The following BLTP1 variants were observed in gnomAD, a reference collection of about 807,000 sequenced individuals.
The protein encoded by BLTP1 is bridge-like lipid transfer protein family member 1, also known as fragile site-associated protein.
the BLTP1 span, chr4:122,333,509 T>C: frequency 3.0e-6 from 3 of 1,015,706 alleles, no homozygotes; most frequent in Non-Finnish European, 4.1e-6. Flanking sequence ...TTGTTTGAGT[T>C]CATTGTAGAT....
chr4:122,344,657 G>A, the BLTP1 span: 1 of 1,183,384 alleles, frequency 8.5e-7, no homozygotes, highest in Non-Finnish European at 1.2e-6. Context: ...GTCACTTAAT[G>A]TTAAGCTTTC....
the BLTP1 span, chr4:122,175,344 G>T: frequency 1.3e-6 from 1 of 777,996 alleles, no homozygotes; most frequent in Non-Finnish European, 1.6e-6. Context: ...TCCTTTTGGG[G>T]CATGAGATGA....
chr4:122,163,296 A>G, the BLTP1 span, among the ~76,000 whole-genome samples: 1 of 152,224 alleles, frequency 6.6e-6, no homozygotes, highest in Non-Finnish European at 1.5e-5. Flanking sequence ...GAGTTCACTC[A>G]TATTGGGAAC....
At chr4:122,233,295 C>T in the BLTP1 span, among the ~76,000 whole-genome samples, 4 of 152,212 alleles carry the variant, frequency 2.6e-5, no homozygotes, top group South Asian at 6.2e-4. Flanking sequence ...GTGCTTTACA[C>T]GTGTTATGCT....
the BLTP1 span, chr4:122,349,991 G>A: frequency 6.2e-7 from 1 of 1,613,844 alleles, no homozygotes; most frequent in Non-Finnish European, 8.5e-7. This position sits in a 1 kb window ranked among gnomAD's most constrained non-coding sequence, Gnocchi z 4.5. Context: ...ACCAGCAAAC[G>A]AGCTCTGTCT....
At chr4:122,152,971 C>G in the BLTP1 span, 1 of 985,022 alleles carries the variant, frequency 1.0e-6, no homozygotes, top group Non-Finnish European at 1.2e-6. Context: ...AATATAGGGT[C>G]GGTTGACCGA....
the BLTP1 span, chr4:122,246,652 T>G: frequency 2.2e-5 from 35 of 1,594,060 alleles, no homozygotes; most frequent in Non-Finnish European, 1.7e-5. Flanking sequence ...ATTTTTCACT[T>G]GTCAGTTCTG....
chr4:122,258,630 A>G, the BLTP1 span: 6 of 1,509,994 alleles, frequency 4.0e-6, no homozygotes, highest in South Asian at 5.4e-5. Context: ...TATAACTAGA[A>G]ACATAGGGGC....
the BLTP1 span, chr4:122,250,431 G>C: frequency 1.2e-6 from 2 of 1,613,816 alleles, no homozygotes; most frequent in East Asian, 2.2e-5. Flanking sequence ...GACACAGAAA[G>C]GGGTGGAGTG....
the BLTP1 span, chr4:122,276,539 C>T: frequency 1.0e-6 from 1 of 984,776 alleles, no homozygotes; most frequent in Non-Finnish European, 1.2e-6. Context: ...TAGATGAATG[C>T]TGTTCACATC....
the BLTP1 span, among the ~76,000 whole-genome samples, chr4:122,294,353 C>T: frequency 2.2e-3 from 333 of 152,288 alleles, 1 homozygote; most frequent in Non-Finnish European, 4.0e-3. Flanking sequence ...TAGGAGTGTT[C>T]GGTCCAGCAT....
At chr4:122,171,261 G>T in the BLTP1 span, among the ~76,000 whole-genome samples, 1 of 152,064 alleles carries the variant, frequency 6.6e-6, no homozygotes, top group Non-Finnish European at 1.5e-5. Context: ...AAACTAAATA[G>T]CAGAGGGAGA....
At chr4:122,258,559 A>ATTGG in the BLTP1 span, 2 of 1,075,486 alleles carry the variant, frequency 1.9e-6, no homozygotes, top group South Asian at 4.1e-5. Flanking sequence ...GAGTGAGAGG[A>ATTGG]TTGGGGTGGG....
At chr4:122,274,997 C>G in the BLTP1 span, among the ~76,000 whole-genome samples, 18 of 152,198 alleles carry the variant, frequency 1.2e-4, no homozygotes, top group South Asian at 3.5e-3. Context: ...AGACAGGGCC[C>G]ATTCTCAAGA....
chr4:122,357,395 T>A, the BLTP1 span, among the ~76,000 whole-genome samples: 13 of 151,860 alleles, frequency 8.6e-5, no homozygotes, highest in African/African-American at 3.1e-4. Flanking sequence ...AGACCCCATT[T>A]CTACAAAAAA....
chr4:122,259,515 G>A, the BLTP1 span, among the ~76,000 whole-genome samples: 7 of 152,236 alleles, frequency 4.6e-5, no homozygotes, highest in Admixed American at 3.3e-4. Context: ...ATTGTTGTTG[G>A]TGGTTCTTTA....
chr4:122,238,831 A>G, the BLTP1 span, among the ~76,000 whole-genome samples: 1 of 151,976 alleles, frequency 6.6e-6, no homozygotes, highest in Non-Finnish European at 1.5e-5. Flanking sequence ...TTCCTTTTAT[A>G]GCCTGCCCTT....
the BLTP1 span, among the ~76,000 whole-genome samples, chr4:122,195,805 G>A: frequency 2.6e-5 from 4 of 152,174 alleles, no homozygotes; most frequent in East Asian, 1.9e-4. Flanking sequence ...GTTAAAGTCT[G>A]TGAGACTTAG....
the BLTP1 span, chr4:122,193,735 G>A: frequency 1.1e-5 from 8 of 759,564 alleles, no homozygotes; most frequent in Non-Finnish European, 1.3e-5. Context: ...CACTTGAGCA[G>A]ATATTACGGG....
Sources: gnomAD v4.1 joint callset for allele counts (sites outside exome capture counted in the v4.1 genomes callset) on GRCh38, gnomAD v4.1.1 for gene constraint, Gnocchi (gnomAD v3.1) non-coding constraint, MANE v1.5 for transcripts, NCBI Gene and HGNC (gene_info 2026-07-23, HGNC 2026-07-21) for gene names.